FOXP2: variants seen among roughly 807,000 people sequenced by gnomAD.
FOXP2 encodes the protein forkhead box P2, also known as forkhead box protein P2.
In FOXP2, 12 loss-of-function variants were observed where a neutral mutation model predicts 115.8. That is an observed-to-expected ratio of 0.10 (90% CI 0.07 to 0.17). The LOEUF is 0.17. FOXP2 is among the 10% of genes least tolerant of loss of function. The probability of loss-of-function intolerance (pLI) is 1.00; values close to 1 mark genes in which losing one functional copy is unlikely to be tolerated. For missense variants in FOXP2, 629 were observed against 843.5 expected, an observed-to-expected ratio of 0.75 and a Z score of 3.15; for synonymous variants, 328 against 297.7, an observed-to-expected ratio of 1.10 and a Z score of -1.05.
At chr7:114,392,310 G>C (rs370606845) in intron 2 of FOXP2, among the ~76,000 whole-genome samples, 1 of 152,178 alleles carries the variant, frequency 6.6e-6, no homozygotes, top group African/African-American at 2.4e-5. Flanking sequence ...CAATTGACTT[G>C]GGGGACCAGA....
At chr7:114,435,887 AT>A (rs148114123) in intron 2 of FOXP2, among the ~76,000 whole-genome samples, 2 of 151,976 alleles carry the variant, frequency 1.3e-5, no homozygotes, top group Admixed American at 6.6e-5. Flanking sequence ...GCCGTTAAAG[AT>A]TTTTTTTAGT....
At chr7:114,368,621 C>T (rs1420409097) in intron 2 of FOXP2, among the ~76,000 whole-genome samples, 2 of 152,076 alleles carry the variant, frequency 1.3e-5, no homozygotes, top group Admixed American at 6.6e-5. Context: ...CCCATAAAGA[C>T]GACTGAGCAG....
At chr7:114,620,153 G>C (rs1804167368) in intron 3 of FOXP2, among the ~76,000 whole-genome samples, 1 of 152,040 alleles carries the variant, frequency 6.6e-6, no homozygotes, top group Non-Finnish European at 1.5e-5. Context: ...TAGAGGACAA[G>C]TGATTTAAAT....
chr7:114,505,587 C>G (rs540794092), intron 2 of FOXP2, among the ~76,000 whole-genome samples: 2 of 150,286 alleles, frequency 1.3e-5, no homozygotes, highest in African/African-American at 2.4e-5. Context: ...AAAATCAACA[C>G]AAAAGTTTTT....
chr7:114,608,012 C>T (rs1245849696), intron 3 of FOXP2, among the ~76,000 whole-genome samples: 1 of 152,076 alleles, frequency 6.6e-6, no homozygotes, highest in Non-Finnish European at 1.5e-5. Flanking sequence ...TTTTTAATGC[C>T]AAATATTTAG....
chr7:114,114,941 A>G (rs973212542), intron 1 of FOXP2, among the ~76,000 whole-genome samples: 1 of 152,172 alleles, frequency 6.6e-6, no homozygotes, highest in Non-Finnish European at 1.5e-5. Context: ...AAGCAATTGA[A>G]AATTTGAAAA....
intron 2 of FOXP2, among the ~76,000 whole-genome samples, chr7:114,342,244 G>A (rs953892438): frequency 6.6e-6 from 1 of 151,156 alleles, no homozygotes; most frequent in Non-Finnish European, 1.5e-5. Context: ...GGTTTTAAAT[G>A]TAAATTATTA....
intron 3 of FOXP2, among the ~76,000 whole-genome samples, chr7:114,555,109 A>G (rs895554713): frequency 5.3e-5 from 8 of 152,246 alleles, no homozygotes. Flanking sequence ...CTAATAAAAC[A>G]GAGATCCTGA....
chr7:114,314,713 A>G (rs896163405), intron 2 of FOXP2, among the ~76,000 whole-genome samples: 1 of 152,148 alleles, frequency 6.6e-6, no homozygotes, highest in Non-Finnish European at 1.5e-5. Context: ...TAAACATGTG[A>G]CCACATTATA....
At chr7:114,092,791 T>G (rs1296614200) in intron 1 of FOXP2, among the ~76,000 whole-genome samples, 1 of 152,174 alleles carries the variant, frequency 6.6e-6, no homozygotes, top group African/African-American at 2.4e-5. Flanking sequence ...ATTTGGTTGA[T>G]CTATGTCTGT....
At chr7:114,593,506 G>A (rs2129309307) in intron 3 of FOXP2, among the ~76,000 whole-genome samples, 1 of 151,996 alleles carries the variant, frequency 6.6e-6, no homozygotes, top group South Asian at 2.1e-4. Context: ...ACGCTTATAT[G>A]ATCAATGATA....
rs554587863 is a variant in FOXP2, at chr7:114,645,209, T to C, written c.1094+420T>C. On this transcript the variant is annotated intron_variant, in intron 8 of 16. Transcript: ENST00000350908. ...GTAAACATATTTTGAAAGTTCGTTT[T>C]TTAATTACAGGCTTTATATATTTTT... The C allele has an allele frequency of 8.4e-5, 12 of 142,138 alleles. No individual in the cohort carries two copies. The South Asian group carries it at 2.7e-3, about 31-fold the overall frequency. The allele number at this position is 142,138 out of a possible 1,614,324, so 8.8% of individuals were successfully genotyped here.
chr7:114,369,571 T>C (rs2129189057), intron 2 of FOXP2, among the ~76,000 whole-genome samples: 1 of 152,220 alleles, frequency 6.6e-6, no homozygotes, highest in South Asian at 2.1e-4. Flanking sequence ...AATAAAGGCC[T>C]TGATGCTTCA....
chr7:114,129,094 A>T (rs115102736), intron 1 of FOXP2, among the ~76,000 whole-genome samples: 187 of 152,268 alleles, frequency 1.2e-3, no homozygotes, highest in African/African-American at 4.4e-3. Context: ...TGTCCTTTCC[A>T]TTCAGGAAAG....
chr7:114,384,494 G>A (rs542302100), intron 2 of FOXP2, among the ~76,000 whole-genome samples: 14 of 152,090 alleles, frequency 9.2e-5, no homozygotes, highest in East Asian at 1.9e-4. Context: ...AAGAGTCTCC[G>A]TATCAATGAC....
chr7:114,124,730 A>G (rs897110289), intron 1 of FOXP2, among the ~76,000 whole-genome samples: 4 of 151,030 alleles, frequency 2.6e-5, no homozygotes, highest in Non-Finnish European at 5.9e-5. Flanking sequence ...CCTCTTCCCA[A>G]CCCCCTCTCA....
At chr7:114,142,816 T>C (rs1792257699) in intron 1 of FOXP2, among the ~76,000 whole-genome samples, 1 of 151,926 alleles carries the variant, frequency 6.6e-6, no homozygotes, top group African/African-American at 2.4e-5. Context: ...AAATCTGAGA[T>C]ATTTTTGAGA....
At chr7:114,514,691 T>G (rs1798242447) in intron 2 of FOXP2, among the ~76,000 whole-genome samples, 1 of 151,348 alleles carries the variant, frequency 6.6e-6, no homozygotes, top group Non-Finnish European at 1.5e-5. Flanking sequence ...ATTTATTTAT[T>G]TATTTATTTA....
chr7:114,430,974 T>C (rs1455111965), intron 2 of FOXP2, among the ~76,000 whole-genome samples: 1 of 151,954 alleles, frequency 6.6e-6, no homozygotes, highest in Non-Finnish European at 1.5e-5. Flanking sequence ...CTCGTTTCTA[T>C]TAACACTTTT....
Sources: allele counts gnomAD v4.1 joint callset (sites outside exome capture counted in the v4.1 genomes callset), GRCh38; gene constraint gnomAD v4.1.1; transcripts MANE v1.5; gene names NCBI Gene and HGNC (gene_info 2026-07-23, HGNC 2026-07-21).